The following GNE variants were observed in gnomAD, a reference collection of about 807,000 sequenced individuals.
GNE encodes the protein glucosamine (UDP-N-acetyl)-2-epimerase/N-acetylmannosamine kinase, also known as bifunctional UDP-N-acetylglucosamine 2-epimerase/N-acetylmannosamine kinase.
In GNE, 41 loss-of-function variants were observed where a neutral mutation model predicts 61.8. The observed-to-expected ratio is 0.66, with a 90% CI of 0.52 to 0.86. The LOEUF (loss-of-function observed/expected upper bound fraction) is 0.86. Ranked by LOEUF, GNE falls within the 40% of genes least tolerant of loss-of-function variation. The pLI is 0.00. For missense variants in GNE, 608 were observed against 909.1 expected (o/e 0.67, Z 4.26); for synonymous variants, 264 against 326.4 (o/e 0.81, Z 2.06).
chr9:36,251,265 C>T lies in GNE; in HGVS notation c.-42-1868G>A, dbSNP rs184212063. On this transcript the variant is annotated intron_variant, in intron 1 of 11. Coordinates refer to ENST00000642385, the MANE Select transcript of GNE (RefSeq NM_005476.7). ...CCCCCACGTTTCTCAGTTGCTGCCT[C>T]GCTCTGAGCGTTATGGCCCTCCCAT... Among the ~76,000 whole-genome samples the T allele has an allele frequency of 3.9e-4, 59 of 152,252 alleles. 4 individuals are homozygous for T. The East Asian group carries it at 0.011, about 27-fold the overall frequency.
In GNE at chr9:36,218,065, AAC is replaced by A; in HGVS notation, c.1933+116_1933+117del. 1 of 790,276 alleles carries A rather than the reference AAC, an allele frequency of 1.3e-6. No individual in the cohort carries two copies. The highest frequency in any genetic ancestry group is 1.7e-5 in the Admixed American group (1 of 58,960). 49.0% of individuals were successfully genotyped at this position (790,276 alleles called of 1,614,324 possible). ...TGAGTAATTAGGAAAGAAACCTCTGAACAGACACTGCAAAGCACCTGTCCCTA... is the reference window on the plus strand; with the variant it reads ...TGAGTAATTAGGAAAGAAACCTCTGAAGACACTGCAAAGCACCTGTCCCTA... On this transcript the variant is annotated intron_variant, in intron 11 of 11. Coordinates refer to ENST00000642385, the MANE Select transcript of GNE (RefSeq NM_005476.7). The surrounding 1 kb of genome is among the most constrained non-coding windows in gnomAD (Gnocchi z 4.1).
intron 1 of GNE, among the ~76,000 whole-genome samples, chr9:36,250,643 T>C (rs1249947164): frequency 3.9e-5 from 6 of 152,124 alleles, no homozygotes; most frequent in African/African-American, 1.4e-4. Flanking sequence ...TGGACGATCT[T>C]AACAGCTGTC....
intron 3 of GNE, among the ~76,000 whole-genome samples, chr9:36,242,231 G>C (rs1171459088): frequency 6.6e-6 from 1 of 151,590 alleles, no homozygotes; most frequent in Non-Finnish European, 1.5e-5. Flanking sequence ...TTACTGCCCA[G>C]TGGTGGATGG....
At chr9:36,276,647 G>A (rs757817431) in intron 1 of GNE, among the ~76,000 whole-genome samples, 1 of 152,206 alleles carries the variant, frequency 6.6e-6, no homozygotes, top group Non-Finnish European at 1.5e-5. Flanking sequence ...CTGGAGAAAA[G>A]AGTTCAATTT....
Position 36,222,861 on chromosome 9 carries a change from C to T in GNE, c.1549G>A (p.Asp517Asn). 3.7e-6 allele frequency: 6 copies of T among 1,614,200 alleles called. No individual in the cohort carries two copies. The highest frequency in any genetic ancestry group is 5.1e-6 in the Non-Finnish European group (6 of 1,180,018). ...TCCGCCAGGGCAGCACAGTTGCCAT[C>T]ATTGTCTACCCACACAGGGAGATGC... ...TLHLPVWVDN[D>N]GNCAALAERK... The change falls in exon 9 of 12, where the codon GAT becomes AAT. Residue 517 changes from aspartate to asparagine, a missense_variant. Asp to Asn is a conservative substitution (Grantham distance 23, BLOSUM62 1). Transcript: ENST00000642385.
At chr9:36,275,606 A>G (rs1266509356) in intron 1 of GNE, among the ~76,000 whole-genome samples, 1 of 152,182 alleles carries the variant, frequency 6.6e-6, no homozygotes, top group Admixed American at 6.6e-5. Flanking sequence ...ATACAAAAAA[A>G]ATGGATGGAG....
At chr9:36,233,876 A>G in intron 5 of GNE, 44 bp downstream of exon 5, 2 of 1,387,144 alleles carry the variant, frequency 1.4e-6, no homozygotes, top group African/African-American at 2.8e-5. Flanking sequence ...CAACTCACGT[A>G]TGTATAAAGC....
chr9:36,250,651 G>T (rs567345679), intron 1 of GNE, among the ~76,000 whole-genome samples: 11 of 152,182 alleles, frequency 7.2e-5, no homozygotes, highest in African/African-American at 2.6e-4. Flanking sequence ...CTTAACAGCT[G>T]TCAAGTGGTT....
upstream of GNE, chr9:36,258,530 A>C: frequency 1.0e-6 from 1 of 985,148 alleles, no homozygotes; most frequent in South Asian, 4.7e-5. Flanking sequence ...TCGCGCCCTG[A>C]CGCCACCCGA....
At chr9:36,248,091 C>CT (rs1488110629) in intron 2 of GNE, among the ~76,000 whole-genome samples, 43 of 150,604 alleles carry the variant, frequency 2.9e-4, no homozygotes, top group African/African-American at 1.0e-3. Context: ...CTTCTCTACT[C>CT]TTTAAGTATT....
chr9:36,253,440 A>G (rs1035249817), intron 1 of GNE, among the ~76,000 whole-genome samples: 1 of 150,990 alleles, frequency 6.6e-6, no homozygotes, highest in Non-Finnish European at 1.5e-5. Flanking sequence ...CACACCCACC[A>G]AATTTTTTTG....
intron 6 of GNE, among the ~76,000 whole-genome samples, chr9:36,228,127 C>T (rs1828977184): frequency 2.0e-5 from 3 of 150,452 alleles, no homozygotes; most frequent in Admixed American, 1.3e-4. Context: ...ATGTTGTACA[C>T]AATAAATACA....
intron 4 of GNE, 109 bp from the exon 5 acceptor site, chr9:36,234,241 C>T: frequency 6.0e-6 from 5 of 837,098 alleles, no homozygotes; most frequent in Non-Finnish European, 1.0e-5. Flanking sequence ...AACCTCACAT[C>T]AGTTATTAGG....
chr9:36,260,404 A>G (rs537484920), upstream of GNE, among the ~76,000 whole-genome samples: 40 of 152,192 alleles, frequency 2.6e-4, no homozygotes, highest in Admixed American at 9.2e-4. Context: ...TTGGGAAGAA[A>G]AAAGTAAAGT....
intron 9 of GNE, 23 bp downstream of exon 9, chr9:36,222,754 C>T (rs1563929984): frequency 1.3e-6 from 2 of 1,510,374 alleles, no homozygotes; most frequent in Non-Finnish European, 1.8e-6. Context: ...GCTCCTGAAC[C>T]AACCTCCCCC....
chr9:36,239,549 T>C (rs1829549882), intron 3 of GNE, among the ~76,000 whole-genome samples: 1 of 152,058 alleles, frequency 6.6e-6, no homozygotes, highest in Non-Finnish European at 1.5e-5. Context: ...CTCGGCTCAC[T>C]GCAACTTCCG....
upstream of GNE, among the ~76,000 whole-genome samples, chr9:36,260,675 C>CGG (rs1398034994): frequency 1.2e-4 from 18 of 152,034 alleles, no homozygotes; most frequent in African/African-American, 4.3e-4. Flanking sequence ...CGAGACCATC[C>CGG]TGGCTAACAT....
At chr9:36,269,062 G>A (rs1830915134) in intron 1 of GNE, among the ~76,000 whole-genome samples, 1 of 151,146 alleles carries the variant, frequency 6.6e-6, no homozygotes, top group Admixed American at 6.6e-5. Context: ...CCTGGAAGTC[G>A]GAGGTTGCAG....
chr9:36,265,994 A>G lies in GNE; in HGVS notation c.51+10900T>C, dbSNP rs188704411. ...ACCCAGGCTGGAGTGCAGTGGCGCA[A>G]TCTTGGCTTCTTGGCTCACTGTAAG... On this transcript the variant is annotated intron_variant, in intron 1 of 11. Coordinates refer to the GNE transcript ENST00000396594. 1.7e-3 allele frequency among the ~76,000 whole-genome samples: 252 copies of G among 152,064 alleles called. 1 individual carries two copies. The highest frequency in any genetic ancestry group is 5.6e-3 in the African/African-American group (231 of 41,472).
Sources: gnomAD v4.1 joint callset for allele counts (sites outside exome capture counted in the v4.1 genomes callset) on GRCh38, gnomAD v4.1.1 for gene constraint, Gnocchi (gnomAD v3.1) non-coding constraint, MANE v1.5 for transcripts, NCBI Gene and HGNC (gene_info 2026-07-23, HGNC 2026-07-21) for gene names.